The following PODXL2 variants were observed in gnomAD, a reference collection of about 807,000 sequenced individuals.
PODXL2 encodes the protein podocalyxin like 2, also known as podocalyxin-like protein 2.
PODXL2 carries 17 observed loss-of-function variants against 53.4 expected under a neutral mutation model. That is an observed-to-expected ratio of 0.32 (90% CI 0.22 to 0.48). The LOEUF (loss-of-function observed/expected upper bound fraction) is 0.48. Among genes scored for constraint, PODXL2 ranks in the 20% least tolerant of loss-of-function variants. PODXL2 has a pLI of 0.99. For missense variants in PODXL2, 673 were observed against 760.0 expected (o/e 0.89, Z 1.35); for synonymous variants, 311 against 306.7 (o/e 1.01, Z -0.15).
At position 127,639,287 on chromosome 3, in the gene PODXL2, GC is replaced by G; in HGVS notation, c.116del (p.Pro39GlnfsTer10). ...TGTGTGGCTGGGTCTGATGAGCCTGGCCCAGAGGGCCTCACCTCCACCTCCC... is the reference window on the plus strand; with the variant it reads ...TGTGTGGCTGGGTCTGATGAGCCTGGCCAGAGGGCCTCACCTCCACCTCCC... Reference protein sequence around the residue: ...GACVAGSDEPGPEGLTSTSLL... With the variant: ...GACVAGSDEPXPEGLTSTSLL... On this transcript the variant is annotated frameshift_variant, in exon 2 of 8. Transcript: ENST00000342480. LOFTEE classifies it high-confidence loss of function. The G allele has an allele frequency of 6.2e-7, 1 of 1,612,752 alleles. No individual in the cohort carries two copies. Among genetic ancestry groups the G allele is most frequent in the Non-Finnish European group, 8.5e-7 (1 of 1,179,894 alleles).
At chr3:127,648,275 G>A (rs767074974) in intron 2 of PODXL2, among the ~76,000 whole-genome samples, 9 of 152,192 alleles carry the variant, frequency 5.9e-5, no homozygotes, top group Non-Finnish European at 1.2e-4. Context: ...AAAGCAGACC[G>A]ACCGAGCAGC....
chr3:127,653,060 C>T (rs2074699037), intron 2 of PODXL2, among the ~76,000 whole-genome samples: 1 of 152,144 alleles, frequency 6.6e-6, no homozygotes, highest in Non-Finnish European at 1.5e-5. Context: ...TTCTTTGTTT[C>T]TCTTCTTCCA....
At chr3:127,658,757 G>A (rs1410371985) in intron 2 of PODXL2, among the ~76,000 whole-genome samples, 1 of 152,182 alleles carries the variant, frequency 6.6e-6, no homozygotes, top group Non-Finnish European at 1.5e-5. Context: ...ATGAGGCTAG[G>A]TGTAAGTCTT....
In PODXL2 at chr3:127,629,379, A is replaced by G; in HGVS notation, c.70+90A>G. The G allele has an allele frequency of 1.0e-6, 1 of 967,620 alleles. No homozygotes were observed. The highest frequency in any genetic ancestry group is 1.2e-6 in the Non-Finnish European group (1 of 813,344). The allele number at this position is 967,620 out of a possible 1,614,324, so 59.9% of individuals were successfully genotyped here. On this transcript the variant is annotated intron_variant, in intron 1 of 7. Coordinates refer to ENST00000342480, the MANE Select transcript of PODXL2 (RefSeq NM_015720.4). The surrounding 1 kb of genome is among the most constrained non-coding windows in gnomAD (Gnocchi z 6.4). ...TCCCCGGGCCGCCAACAAAGGGGCCAGAGTGCGGCGCCGCCGGGAGCGCGC... is the reference window on the plus strand; with the variant it reads ...TCCCCGGGCCGCCAACAAAGGGGCCGGAGTGCGGCGCCGCCGGGAGCGCGC...
intron 1 of PODXL2, among the ~76,000 whole-genome samples, chr3:127,632,599 C>T (rs1055574644): frequency 6.6e-6 from 1 of 152,156 alleles, no homozygotes; most frequent in Non-Finnish European, 1.5e-5. Context: ...TTTTTTCTTC[C>T]TGGAATGCAT....
intron 5 of PODXL2, 47 bp from the exon 6 acceptor site, chr3:127,669,094 G>C: frequency 7.4e-7 from 1 of 1,349,718 alleles, no homozygotes; most frequent in African/African-American, 1.5e-5. Flanking sequence ...GGAGGGGCAC[G>C]CACCTCAGCC....
rs769603784 is a variant in PODXL2, at chr3:127,660,471, A to C, written c.443A>C (p.Lys148Thr). ...ELPNLPSPLP[K>T]MNLVEPPWHM... ...CCAAACCTCCCCTCTCCCTTGCCCAAGATGAATCTGGTTGAGCCTCCCTGG... is the reference window on the plus strand; with the variant it reads ...CCAAACCTCCCCTCTCCCTTGCCCACGATGAATCTGGTTGAGCCTCCCTGG... The change falls in exon 3 of 8, where the codon AAG (lysine) becomes ACG (threonine). Residue 148 changes from lysine (K) to threonine (T), a missense_variant. Lys to Thr is a moderately conservative substitution (Grantham distance 78). Transcript: ENST00000342480. The C allele has an allele frequency of 1.2e-6, 2 of 1,614,184 alleles. No individual in the cohort carries two copies. Among genetic ancestry groups the C allele is most frequent in the Admixed American group, 1.7e-5 (1 of 60,014 alleles).
chr3:127,672,652 A>C lies in PODXL2; in HGVS notation c.*172A>C, dbSNP rs887150052. The C allele has an allele frequency of 1.0e-5, 5 of 494,906 alleles. No homozygotes were observed. The highest frequency in any genetic ancestry group is 1.7e-5 in the Non-Finnish European group (5 of 288,408). 30.7% of individuals were successfully genotyped at this position (494,906 alleles called of 1,614,324 possible). ...CGACTTCACACGGCGGCTTCGGACC[A>C]ACTCCCTCACTCCCGCCCGAGGGGC... is the stretch of plus-strand genomic sequence containing the variant. On this transcript the variant is annotated 3_prime_UTR_variant, in exon 8 of 8. Coordinates refer to ENST00000342480, the MANE Select transcript of PODXL2 (RefSeq NM_015720.4).
chr3:127,638,107 A>G (rs2074589737), intron 1 of PODXL2, among the ~76,000 whole-genome samples: 1 of 152,154 alleles, frequency 6.6e-6, no homozygotes, highest in African/African-American at 2.4e-5. Flanking sequence ...TTCCTTGTCT[A>G]TCTGGTGAGG....
chr3:127,672,391 C>T lies in PODXL2; in HGVS notation c.1729C>T (p.Leu577Phe). 6.5e-7 allele frequency: 1 copy of T among 1,544,768 alleles called. No individual in the cohort carries two copies. Among genetic ancestry groups the T allele is most frequent in the Non-Finnish European group, 8.7e-7 (1 of 1,146,152 alleles). ...KHPSLNGGGA[L>F]NGPGSWGALM... ...CCCCAGCCTGAACGGCGGCGGGGCC[C>T]TCAACGGCCCGGGGAGCTGGGGGGC... The change falls in exon 8 of 8, where the codon CTC (leucine) becomes TTC (phenylalanine). Residue 577 changes from leucine to phenylalanine, a missense_variant. Physicochemically the swap from Leu to Phe is conservative, Grantham distance 22 (BLOSUM62 0). Transcript: ENST00000342480.
intron 1 of PODXL2, among the ~76,000 whole-genome samples, chr3:127,638,535 C>T (rs1237319609): frequency 6.6e-6 from 1 of 152,004 alleles, no homozygotes; most frequent in South Asian, 2.1e-4. Flanking sequence ...ACCAACATGG[C>T]GAAACCCTGT....
At chr3:127,670,929 C>T (rs1455971845) in intron 6 of PODXL2, among the ~76,000 whole-genome samples, 3 of 152,230 alleles carry the variant, frequency 2.0e-5, no homozygotes, top group African/African-American at 7.2e-5. Flanking sequence ...GGGGTGGCCC[C>T]CCATGTGGCC....
In PODXL2 at chr3:127,639,313, C is replaced by G; in HGVS notation, c.139C>G (p.Leu47Val). The G allele has an allele frequency of 1.2e-6, 2 of 1,613,992 alleles. No individual in the cohort carries two copies. The highest frequency in any genetic ancestry group is 2.2e-5 in the South Asian group (2 of 91,074). Residue 47 changes from leucine (L) to valine (V), a missense_variant, in exon 2 of 8, where the codon CTG becomes GTG. Leu to Val is a conservative substitution (Grantham distance 32, BLOSUM62 1). This residue lies in a region of PODXL2 where 588 missense variants were observed against 668.3 expected (regional missense o/e 0.88). Coordinates refer to ENST00000342480, the MANE Select transcript of PODXL2 (RefSeq NM_015720.4). The stretch of plus-strand genomic sequence containing the variant: ...CCCAGAGGGCCTCACCTCCACCTCC[C>G]TGCTAGACCTCCTGCTGCCCACTGG... ...PGPEGLTSTS[L>V]LDLLLPTGLE...
chr3:127,656,106 A>G (rs921652144), intron 2 of PODXL2, among the ~76,000 whole-genome samples: 24 of 152,236 alleles, frequency 1.6e-4, no homozygotes, highest in Non-Finnish European at 2.5e-4. Context: ...GATGAAGACA[A>G]TTGCTTTGCT....
Position 127,639,429 on chromosome 3 carries a change from G to A in PODXL2, c.255G>A (p.Glu85=). Residue 85 remains glutamate (E), a synonymous_variant, in exon 2 of 8, where the codon GAG becomes GAA. Transcript: ENST00000342480. The part of the protein sequence containing the change: ...GAPGSGFPSE[E]NEESRILQPP... ...CTGGCTCAGGCTTCCCCAGCGAAGA[G>A]AATGAAGAGTCTCGGATTCTGCAGC... 6.2e-7 allele frequency: 1 copy of A among 1,614,282 alleles called. No individual in the cohort carries two copies. Among genetic ancestry groups the A allele is most frequent in the Non-Finnish European group, 8.5e-7 (1 of 1,180,040 alleles).
intron 2 of PODXL2, among the ~76,000 whole-genome samples, chr3:127,660,091 A>AACT (rs2074754634): frequency 6.6e-6 from 1 of 152,226 alleles, no homozygotes. Flanking sequence ...ATATACCTCA[A>AACT]ACTACTCATG....
intron 2 of PODXL2, among the ~76,000 whole-genome samples, chr3:127,647,006 C>T (rs910631507): frequency 6.6e-6 from 1 of 152,146 alleles, no homozygotes; most frequent in Admixed American, 6.5e-5. Flanking sequence ...TGATGCCTTC[C>T]TTCTCCATCT....
Position 127,672,521 on chromosome 3 carries a change from G to C in PODXL2, c.*41G>C. ...AGGCCGAGTGGGCCGCCAGGACCAA[G>C]CGAGGTGGACCCCGAAACGGACGGC... On this transcript the variant is annotated 3_prime_UTR_variant, in exon 8 of 8. Coordinates refer to ENST00000342480, the MANE Select transcript of PODXL2 (RefSeq NM_015720.4). The C allele has an allele frequency of 1.5e-6, 2 of 1,314,298 alleles. No homozygotes were observed. The highest frequency in any genetic ancestry group is 3.0e-5 in the South Asian group (2 of 66,964). 81.4% of individuals were successfully genotyped at this position (1,314,298 alleles called of 1,614,324 possible).
chr3:127,653,799 C>T (rs1280257120), intron 2 of PODXL2, among the ~76,000 whole-genome samples: 5 of 152,162 alleles, frequency 3.3e-5, no homozygotes, highest in African/African-American at 9.7e-5. Context: ...AACACTTTGC[C>T]GCAGTTGCTG....
Sources: allele counts gnomAD v4.1 joint callset (sites outside exome capture counted in the v4.1 genomes callset), GRCh38; gene constraint gnomAD v4.1.1; regional missense constraint gnomAD v4.1.1; non-coding constraint Gnocchi (gnomAD v3.1); transcripts MANE v1.5; gene names NCBI Gene and HGNC (gene_info 2026-07-23, HGNC 2026-07-21).